The following MTMR4 variants were observed in gnomAD, a reference collection of about 807,000 sequenced individuals.
The protein encoded by MTMR4 is phosphatidylinositol-3,5-bisphosphate 3-phosphatase MTMR4.
In MTMR4, 30 loss-of-function variants were observed where a neutral mutation model predicts 125.5. That is an observed-to-expected ratio of 0.24 (90% CI 0.18 to 0.32). The LOEUF is 0.32. Ranked by LOEUF, MTMR4 falls within the 10% of genes least tolerant of loss-of-function variation. The pLI is 1.00. For synonymous variants in MTMR4, 498 were observed against 564.5 expected (o/e 0.88, Z 1.67); for missense variants, 1,039 against 1,511.5 (o/e 0.69, Z 5.18).
chr17:58,515,722 CA>C (rs1363028836), upstream of MTMR4, among the ~76,000 whole-genome samples: 1 of 152,192 alleles, frequency 6.6e-6, no homozygotes, highest in East Asian at 1.9e-4. Flanking sequence ...CCAAAACCAG[CA>C]GGCTTTCTGA....
chr17:58,509,883 T>G (rs2143920302), intron 4 of MTMR4, among the ~76,000 whole-genome samples: 1 of 152,350 alleles, frequency 6.6e-6, no homozygotes, highest in East Asian at 1.9e-4. Context: ...GTAGGTATCC[T>G]TTTAATAAAC....
chr17:58,508,423 G>T lies in MTMR4; in HGVS notation c.593+45C>A, dbSNP rs773608584. 3.1e-6 allele frequency: 5 copies of T among 1,588,834 alleles called. No homozygotes were observed. The Admixed American group carries it at 6.7e-5, about 21-fold the overall frequency. ...GCCCACCACACTTTATCCAAACACGGAAGTAGTTTGGTGTGGAAGGTGTTT... is the reference window on the plus strand; with the variant it reads ...GCCCACCACACTTTATCCAAACACGTAAGTAGTTTGGTGTGGAAGGTGTTT... On this transcript the variant is annotated intron_variant, in intron 6 of 17. Transcript: ENST00000682306. The surrounding 1 kb of genome is among the most constrained non-coding windows in gnomAD (Gnocchi z 4.8).
Position 58,508,193 on chromosome 17 carries a change from G to A in MTMR4, c.675C>T (p.Arg225=), listed in dbSNP as rs1975826759. The change falls in exon 7 of 18, where the codon CGC becomes CGT. Residue 225 remains arginine (R), a synonymous_variant. Coordinates refer to ENST00000682306, the MANE Select transcript of MTMR4 (RefSeq NM_001378067.1). This position sits in a 1 kb window ranked among gnomAD's most constrained non-coding sequence, Gnocchi z 4.8. The part of the protein sequence containing the change: ...DKELENVASF[R]SWKRIPVVVY... ...CAACCACGGGAATCCGCTTCCAGGA[G>A]CGGAAGGAAGCCACGTTCTCCAGCT... 1.9e-6 allele frequency: 3 copies of A among 1,613,740 alleles called. No individual in the cohort carries two copies. Among genetic ancestry groups the A allele is most frequent in the Admixed American group, 1.7e-5 (1 of 60,006 alleles).
chr17:58,498,538 GGGGGGAGGAGGGGGGAGGA>G (rs1309435612), intron 14 of MTMR4, among the ~76,000 whole-genome samples: 30 of 93,236 alleles, frequency 3.2e-4, no homozygotes, highest in African/African-American at 9.4e-4. Context: ...CGGGGGAGGA[GGGGGGAGGAGGGGGGAGGA>G]GGGGGAGGAG....
In MTMR4 at chr17:58,503,734, C is replaced by A; in HGVS notation, c.1853+10G>T. On this transcript the variant is annotated intron_variant, in intron 14 of 17. Coordinates refer to ENST00000682306, the MANE Select transcript of MTMR4 (RefSeq NM_001378067.1). ...TGGAGAGAGGAGAAAGGAAGAAGGG[C>A]TTTTCTTACCTGTCCAGAGAGCGGC... The A allele has an allele frequency of 2.5e-6, 4 of 1,608,536 alleles. No homozygotes were observed. Among genetic ancestry groups the A allele is most frequent in the Non-Finnish European group, 2.5e-6 (3 of 1,177,004 alleles).
At chr17:58,492,003 G>A (rs1394257647) in intron 17 of MTMR4, among the ~76,000 whole-genome samples, 163 bp from the exon 18 acceptor site, 1 of 151,932 alleles carries the variant, frequency 6.6e-6, no homozygotes, top group African/African-American at 2.4e-5. Context: ...AGAGCCCATC[G>A]CTAATAAAAA....
In MTMR4 at chr17:58,504,647, A is replaced by G. The variant is rs1465357730; in HGVS notation, c.1341+132T>C. 2.2e-6 allele frequency: 3 copies of G among 1,347,074 alleles called. No individual in the cohort carries two copies. In the African/African-American group the frequency reaches 4.4e-5, roughly 20 times the overall value. The allele number at this position is 1,347,074 out of a possible 1,614,324, so 83.4% of individuals were successfully genotyped here. ...GCCACCAATTTTCCAAGCCTTTGGG[A>G]GTTGGAAAAAAAAAGAAAAAAAGAG... On this transcript the variant is annotated intron_variant, in intron 11 of 17. Coordinates refer to ENST00000682306, the MANE Select transcript of MTMR4 (RefSeq NM_001378067.1). This position sits in a 1 kb window ranked among gnomAD's most constrained non-coding sequence, Gnocchi z 7.1.
upstream of MTMR4, among the ~76,000 whole-genome samples, chr17:58,517,570 G>A (rs1441202801): frequency 6.6e-6 from 1 of 152,270 alleles, no homozygotes; most frequent in Non-Finnish European, 1.5e-5. Context: ...GAGGGAAGGA[G>A]GGACAAGGAT....
rs760107926 is a variant in MTMR4 at position 58,495,499 on chromosome 17, C to G, written c.2685G>C (p.Gly895=). 2.5e-6 allele frequency: 4 copies of G among 1,614,250 alleles called. No homozygotes were observed. In the Admixed American group the frequency reaches 6.7e-5, roughly 27 times the overall value. The part of the protein sequence containing the change: ...NGQLLENPRF[G]KMPLELVRKP... ...TCCGGACCAATTCCAATGGCATTTT[C>G]CCAAAGCGAGGATTTTCCAATAACT... The change falls in exon 15 of 18, where the codon GGG becomes GGC. Residue 895 remains glycine, a synonymous_variant. Transcript: ENST00000682306.
upstream of MTMR4, among the ~76,000 whole-genome samples, chr17:58,518,678 C>G (rs943254578): frequency 6.6e-6 from 1 of 152,214 alleles, no homozygotes; most frequent in African/African-American, 2.4e-5. Context: ...CGAAGGGAGA[C>G]CAGGACGCTC....
intron 14 of MTMR4, among the ~76,000 whole-genome samples, chr17:58,503,509 C>T (rs989858710): frequency 2.6e-5 from 4 of 152,006 alleles, no homozygotes; most frequent in Non-Finnish European, 5.9e-5. Context: ...ATTGGCTGGG[C>T]GTGGTGGTCG....
chr17:58,509,386 C>G (rs1975865257), intron 4 of MTMR4, among the ~76,000 whole-genome samples: 1 of 149,342 alleles, frequency 6.7e-6, no homozygotes, highest in Non-Finnish European at 1.5e-5. Context: ...TCTCTTGATT[C>G]TTAATGTGCT....
At position 58,504,826 on chromosome 17, in the gene MTMR4, C is replaced by T. The variant is rs1435094197; in HGVS notation, c.1294G>A (p.Val432Ile). ...TCCAGTAATATTTTGGCCAGGGCTA[C>T]GATCTGCGGTGTGCGGTCCCAGCCA... ...SDGWDRTPQI[V>I]ALAKILLDPY... The change falls in exon 11 of 18, where the codon GTA becomes ATA. Residue 432 changes from valine to isoleucine, a missense_variant. Transcript: ENST00000682306. This position sits in a 1 kb window ranked among gnomAD's most constrained non-coding sequence, Gnocchi z 7.1. 2 of 1,613,216 alleles carry T rather than the reference C, an allele frequency of 1.2e-6. No homozygotes were observed. Among genetic ancestry groups the T allele is most frequent in the South Asian group, 1.1e-5 (1 of 90,968 alleles).
chr17:58,506,802 G>A lies in MTMR4; in HGVS notation c.974C>T (p.Ala325Val). Reference protein sequence around the residue: ...AAPQKLLILDARSYTAAVANR... With the variant: ...AAPQKLLILDVRSYTAAVANR... ...GGCCACTGCTGCCGTGTAGGATCGC[G>A]CATCCAGGATCAGCAGCTTTTGAGG... Residue 325 changes from alanine to valine, a missense_variant, in exon 9 of 18, where the codon GCG (alanine) becomes GTG (valine). Around this residue, in one of 6 missense-constraint regions of MTMR4, gnomAD observed 107 missense variants for 267.4 expected, o/e 0.40. Transcript: ENST00000682306. The A allele has an allele frequency of 1.9e-6, 3 of 1,613,806 alleles. No homozygotes were observed. Among genetic ancestry groups the A allele is most frequent in the South Asian group, 1.1e-5 (1 of 91,060 alleles).
rs376298832 is a variant in MTMR4 at position 58,491,777 on chromosome 17, T to C, written c.3516A>G (p.Gln1172=). The C allele has an allele frequency of 3.1e-6, 5 of 1,613,750 alleles. No homozygotes were observed. The highest frequency in any genetic ancestry group is 4.2e-6 in the Non-Finnish European group (5 of 1,179,934). ...CHLKLPIPDQ[Q]LYDPVLVCNS... ...TACAGACGAGAACTGGGTCATAGAGTTGCTGATCAGGAATGGGCAGCTTCA... is the reference window on the plus strand; with the variant it reads ...TACAGACGAGAACTGGGTCATAGAGCTGCTGATCAGGAATGGGCAGCTTCA... Residue 1172 remains glutamine (Q), a synonymous_variant, in exon 18 of 18, where the codon CAA becomes CAG. Coordinates refer to ENST00000682306, the MANE Select transcript of MTMR4 (RefSeq NM_001378067.1).
intron 16 of MTMR4, 120 bp from the exon 17 acceptor site, chr17:58,492,719 T>G: frequency 2.2e-6 from 3 of 1,343,376 alleles, no homozygotes; most frequent in South Asian, 2.4e-5. Flanking sequence ...CTGGCTACCA[T>G]TTGCCTACCA....
At position 58,495,653 on chromosome 17, in the gene MTMR4, G is replaced by C. The variant is rs1412108438; in HGVS notation, c.2531C>G (p.Thr844Ser). 1.2e-6 allele frequency: 2 copies of C among 1,614,096 alleles called. No individual in the cohort carries two copies. Among genetic ancestry groups the C allele is most frequent in the African/African-American group, 2.7e-5 (2 of 74,924 alleles). Residue 844 changes from threonine (T) to serine (S), a missense_variant, in exon 15 of 18, where the codon ACT becomes AGT. Thr to Ser is a moderately conservative substitution (Grantham distance 58, BLOSUM62 1). Coordinates refer to ENST00000682306, the MANE Select transcript of MTMR4 (RefSeq NM_001378067.1). ...AACQTPLDPS[T>S]DFLNQDPSGS... The stretch of plus-strand genomic sequence containing the variant: ...TGAGGGATCTTGGTTGAGGAAGTCA[G>C]TGCTTGGGTCTAGAGGAGTTTGGCA...
chr17:58,506,216 T>C (rs766940427), intron 9 of MTMR4, among the ~76,000 whole-genome samples: 3 of 152,222 alleles, frequency 2.0e-5, no homozygotes, highest in Non-Finnish European at 4.4e-5. Flanking sequence ...CAGGGTCTCA[T>C]GGTCACCCAG....
chr17:58,507,649 T>C (rs1295910770), intron 7 of MTMR4, among the ~76,000 whole-genome samples: 1 of 152,206 alleles, frequency 6.6e-6, no homozygotes, highest in Non-Finnish European at 1.5e-5. Context: ...TTACTTCCTG[T>C]CTCACTCTAT....
Sources: allele counts gnomAD v4.1 joint callset (sites outside exome capture counted in the v4.1 genomes callset), GRCh38; gene constraint gnomAD v4.1.1; regional missense constraint gnomAD v4.1.1; non-coding constraint Gnocchi (gnomAD v3.1); transcripts MANE v1.5; gene names NCBI Gene and HGNC (gene_info 2026-07-23, HGNC 2026-07-21).